The following TTC8 variants were observed in gnomAD, a reference collection of about 807,000 sequenced individuals.
The protein encoded by TTC8 is tetratricopeptide repeat domain 8.
A neutral mutation model predicts 72.5 loss-of-function variants in TTC8; 47 were observed. That is an observed-to-expected ratio of 0.65 (90% CI 0.51 to 0.83). The LOEUF (loss-of-function observed/expected upper bound fraction) is 0.83. Among genes scored for constraint, TTC8 ranks in the 40% least tolerant of loss-of-function variants. TTC8 has a pLI of 0.00. For missense variants in TTC8, 611 were observed against 623.2 expected (o/e 0.98, Z 0.21); for synonymous variants, 199 against 221.4 (o/e 0.90, Z 0.90).
At chr14:88,830,958 T>C (rs1448109646) in intron 1 of TTC8, 2 of 455,640 alleles carry the variant, frequency 4.4e-6, no homozygotes, top group Non-Finnish European at 8.8e-6. Context: ...CCATCCTTGC[T>C]GTCATCCCAC....
At chr14:88,836,267 G>A (rs1198477511) in intron 2 of TTC8, among the ~76,000 whole-genome samples, 1 of 152,122 alleles carries the variant, frequency 6.6e-6, no homozygotes, top group Non-Finnish European at 1.5e-5. Context: ...AAAGCAGGAG[G>A]ATCACTTGAG....
In TTC8 at chr14:88,857,948, G is replaced by A. The variant is rs182561526; in HGVS notation, c.798+671G>A. On this transcript the variant is annotated intron_variant, in intron 9 of 14. Coordinates refer to ENST00000380656, the MANE Select transcript of TTC8 (RefSeq NM_144596.4). ...ACAGCAGAAATGATGGGGCCACCTA[G>A]GATTTTCTTTCTTTCATTTTTTTTT... Among the ~76,000 whole-genome samples, 7 of 151,944 alleles carry A rather than the reference G, an allele frequency of 4.6e-5. No homozygotes were observed. The East Asian group carries it at 1.4e-3, about 29-fold the overall frequency.
chr14:88,871,476 A>AT lies in TTC8; in HGVS notation c.1050-73_1050-72insT, dbSNP rs2094933613. 20 of 1,276,072 alleles carry AT rather than the reference A, an allele frequency of 1.6e-5. No homozygotes were observed. The highest frequency in any genetic ancestry group is 2.1e-5 in the Non-Finnish European group (19 of 909,712). 79.0% of individuals were successfully genotyped at this position (1,276,072 alleles called of 1,614,324 possible). A position where few individuals can be genotyped will look rare whatever the true frequency, so the allele number is the denominator to read the frequency against. Reference sequence around the variant, plus strand: ...GATGAATTCATTTTTAACTGTGTAAAATATATATATATATGTCTTAAAACT... The same window carrying AT: ...GATGAATTCATTTTTAACTGTGTAAATATATATATATATATGTCTTAAAACT... On this transcript the variant is annotated intron_variant, in intron 11 of 14. Transcript: ENST00000380656. The surrounding 1 kb of genome is among the most constrained non-coding windows in gnomAD (Gnocchi z 4.1).
chr14:88,862,628 G>A (rs191181514), intron 10 of TTC8, among the ~76,000 whole-genome samples: 2 of 112,854 alleles, frequency 1.8e-5, no homozygotes, highest in Non-Finnish European at 3.5e-5. Flanking sequence ...TGTTGCCCAG[G>A]CTGGATCGCA....
intron 9 of TTC8, among the ~76,000 whole-genome samples, chr14:88,858,108 C>T (rs1358623940): frequency 6.6e-6 from 1 of 151,922 alleles, no homozygotes; most frequent in Non-Finnish European, 1.5e-5. Context: ...ATTACAGATG[C>T]ACACCACCAT....
intron 10 of TTC8, among the ~76,000 whole-genome samples, chr14:88,866,212 A>G (rs1348365178): frequency 6.6e-6 from 1 of 152,174 alleles, no homozygotes; most frequent in Non-Finnish European, 1.5e-5. Flanking sequence ...TAAAAGTTAA[A>G]TTTTCTAAAT....
chr14:88,857,257 A>T lies in TTC8; in HGVS notation c.778A>T (p.Thr260Ser). 9 of 1,613,780 alleles carry T rather than the reference A, an allele frequency of 5.6e-6. No homozygotes were observed. The highest frequency in any genetic ancestry group is 7.6e-6 in the Non-Finnish European group (9 of 1,179,752). ...CCTGAAGCAGCAGGAAATGGTAGAT[A>T]CATTTCTGTACTTGGCAAAAGTAAG... ...SALKQQEMVD[T>S]FLYLAKVYVS... The change falls in exon 9 of 15, where the codon ACA (threonine) becomes TCA (serine). Residue 260 changes from threonine to serine, a missense_variant. By Grantham distance (58) the Thr-to-Ser change is moderately conservative. Coordinates refer to ENST00000380656, the MANE Select transcript of TTC8 (RefSeq NM_144596.4).
intron 1 of TTC8, among the ~76,000 whole-genome samples, chr14:88,827,429 T>G (rs1263010955): frequency 1.3e-5 from 2 of 152,196 alleles, no homozygotes; most frequent in African/African-American, 2.4e-5. Flanking sequence ...CTAATAATTT[T>G]TATTTGTTTT....
At chr14:88,835,162 G>T (rs1315244009) in intron 2 of TTC8, among the ~76,000 whole-genome samples, 1 of 152,214 alleles carries the variant, frequency 6.6e-6, no homozygotes, top group African/African-American at 2.4e-5. Flanking sequence ...AGGTCAGACA[G>T]ACTGTTCCTT....
chr14:88,862,561 T>C (rs1213926169), intron 10 of TTC8, among the ~76,000 whole-genome samples: 2 of 45,258 alleles, frequency 4.4e-5, no homozygotes, highest in Non-Finnish European at 8.2e-5. Context: ...TATATATATA[T>C]ATATATATAT....
chr14:88,875,862 C>A (rs190098056), intron 14 of TTC8, among the ~76,000 whole-genome samples: 9 of 152,260 alleles, frequency 5.9e-5, no homozygotes, highest in Non-Finnish European at 1.3e-4. Flanking sequence ...TAAGTACCAG[C>A]CACTGTTCTA....
intron 3 of TTC8, among the ~76,000 whole-genome samples, chr14:88,840,425 C>A (rs2094774604): frequency 1.3e-5 from 2 of 151,690 alleles, no homozygotes; most frequent in Admixed American, 6.6e-5. Flanking sequence ...CTTTCTTTAC[C>A]ATTATTTTGT....
chr14:88,843,454 G>A (rs887664073), intron 6 of TTC8, among the ~76,000 whole-genome samples: 21 of 152,154 alleles, frequency 1.4e-4, no homozygotes, highest in African/African-American at 5.1e-4. Flanking sequence ...GTTTTTTTAT[G>A]TCTAAATTAT....
intron 1 of TTC8, among the ~76,000 whole-genome samples, chr14:88,832,690 G>A (rs1343528031): frequency 6.6e-6 from 1 of 152,172 alleles, no homozygotes; most frequent in African/African-American, 2.4e-5. Context: ...ACAGAAGAAA[G>A]AAAGAATAGA....
At chr14:88,841,628 G>A (rs924967639) in intron 6 of TTC8, 114 bp downstream of exon 6, 50 of 914,422 alleles carry the variant, frequency 5.5e-5, no homozygotes, top group African/African-American at 4.6e-4. Flanking sequence ...TTATTGAAGT[G>A]GAAATGTTTT....
intron 7 of TTC8, among the ~76,000 whole-genome samples, chr14:88,848,816 C>G (rs949329372): frequency 6.6e-6 from 1 of 151,986 alleles, no homozygotes; most frequent in African/African-American, 2.4e-5. Flanking sequence ...GTATTCATTC[C>G]ACAAATATTT....
At chr14:88,843,339 A>G (rs906806829) in intron 6 of TTC8, among the ~76,000 whole-genome samples, 63 of 152,236 alleles carry the variant, frequency 4.1e-4, no homozygotes, top group Non-Finnish European at 3.5e-4. Flanking sequence ...ATTCTGAATC[A>G]TAGAGTTACT....
intron 10 of TTC8, 146 bp from the exon 11 acceptor site, chr14:88,869,913 G>T: frequency 1.3e-6 from 1 of 777,192 alleles, no homozygotes; most frequent in African/African-American, 1.8e-5. Context: ...TGTTCATATT[G>T]TATCCCCAGG....
intron 10 of TTC8, among the ~76,000 whole-genome samples, chr14:88,864,071 T>C (rs975792520): frequency 6.6e-6 from 1 of 152,188 alleles, no homozygotes; most frequent in Non-Finnish European, 1.5e-5. Flanking sequence ...GAAATCATTT[T>C]GTTAGAAAAG....
Sources: allele counts gnomAD v4.1 joint callset (sites outside exome capture counted in the v4.1 genomes callset), GRCh38; gene constraint gnomAD v4.1.1; non-coding constraint Gnocchi (gnomAD v3.1); transcripts MANE v1.5; gene names NCBI Gene and HGNC (gene_info 2026-07-23, HGNC 2026-07-21).